SPATA9: variants seen among roughly 807,000 people sequenced by gnomAD.
SPATA9 encodes the protein spermatogenesis associated 9, also known as spermatogenesis-associated protein 9.
SPATA9 carries 27 observed loss-of-function variants against 25.5 expected under a neutral mutation model. The observed-to-expected ratio is 1.06, with a 90% CI of 0.78 to 1.46. SPATA9 has a LOEUF of 1.46. Among genes scored for constraint, SPATA9 ranks in the 40% most tolerant of loss-of-function variants. The probability of loss-of-function intolerance (pLI) is 0.00; values close to 1 mark genes in which losing one functional copy is unlikely to be tolerated. For missense variants in SPATA9, 282 were observed against 297.5 expected (o/e 0.95, Z 0.38); for synonymous variants, 102 against 105.7 (o/e 0.97, Z 0.21).
chr5:95,683,768 A>G (rs1580350492), upstream of SPATA9, among the ~76,000 whole-genome samples: 1 of 151,968 alleles, frequency 6.6e-6, no homozygotes, highest in African/African-American at 2.4e-5. Flanking sequence ...CCATCTCCTG[A>G]CCTCATGATC....
chr5:95,711,209 A>G, the SPATA9 span, among the ~76,000 whole-genome samples: 1 of 152,156 alleles, frequency 6.6e-6, no homozygotes, highest in Non-Finnish European at 1.5e-5. Context: ...TAGGCCGGGT[A>G]GAGGAAAAGA....
chr5:95,699,733 G>T (rs900284807), upstream of SPATA9, among the ~76,000 whole-genome samples: 1 of 152,234 alleles, frequency 6.6e-6, no homozygotes, highest in African/African-American at 2.4e-5. Context: ...TACGGAAATT[G>T]CCAGAGTGAG....
At chr5:95,696,590 A>G (rs1050405798) in intron 1 of SPATA9, among the ~76,000 whole-genome samples, 1 of 152,214 alleles carries the variant, frequency 6.6e-6, no homozygotes, top group Non-Finnish European at 1.5e-5. Context: ...CACTCAACAA[A>G]TGATGCCTTG....
chr5:95,669,709 G>A (rs1486513810), intron 3 of SPATA9, among the ~76,000 whole-genome samples: 1 of 152,200 alleles, frequency 6.6e-6, no homozygotes, highest in Non-Finnish European at 1.5e-5. Context: ...CTTGGCTGAA[G>A]TCAGCATTCA....
At chr5:95,672,213 G>T (rs1036252805) in intron 3 of SPATA9, among the ~76,000 whole-genome samples, 1 of 152,146 alleles carries the variant, frequency 6.6e-6, no homozygotes, top group African/African-American at 2.4e-5. Flanking sequence ...GTGAAACTGG[G>T]ACTCAAACAA....
At chr5:95,673,229 C>T (rs1752583245) in intron 3 of SPATA9, among the ~76,000 whole-genome samples, 1 of 152,206 alleles carries the variant, frequency 6.6e-6, no homozygotes, top group Admixed American at 6.5e-5. Flanking sequence ...ATGCAACGTA[C>T]TGTGTGCACA....
chr5:95,718,992 A>G, the SPATA9 span, among the ~76,000 whole-genome samples: 42 of 152,316 alleles, frequency 2.8e-4, no homozygotes, highest in African/African-American at 1.0e-3. Context: ...CAGTGATATT[A>G]TCTAGGATTT....
downstream of SPATA9, chr5:95,657,133 T>A (rs1750808993): frequency 1.3e-5 from 2 of 152,124 alleles, no homozygotes; most frequent in South Asian, 2.1e-4. Flanking sequence ...TAAAGATTTT[T>A]AAAAACGTTT....
intron 2 of SPATA9, among the ~76,000 whole-genome samples, chr5:95,679,688 G>A (rs1021449276): frequency 4.6e-5 from 7 of 152,038 alleles, no homozygotes; most frequent in Admixed American, 3.9e-4. Flanking sequence ...CAATATGACC[G>A]CCTCTTCCTA....
chr5:95,658,863 T>G lies in SPATA9; in HGVS notation c.525A>C (p.Glu175Asp), dbSNP rs1007814933. The G allele has an allele frequency of 6.2e-7, 1 of 1,613,800 alleles. No homozygotes were observed. The highest frequency in any genetic ancestry group is 1.3e-5 in the African/African-American group (1 of 74,890). ...CTCTGTTTTGCCTTATGGATTCTTCTTCCTGGAAGATGTTCTTTACCTTCT... is the reference window on the plus strand; with the variant it reads ...CTCTGTTTTGCCTTATGGATTCTTCGTCCTGGAAGATGTTCTTTACCTTCT... ...VLKKVKNIFQ[E>D]EESIRQNREE... is the part of the protein sequence containing the mutation. Residue 175 changes from glutamate (E) to aspartate (D), a missense_variant, in exon 5 of 5, where the codon GAA becomes GAC. Transcript: ENST00000274432.
chr5:95,731,297 C>T, the SPATA9 span: 21 of 1,040,406 alleles, frequency 2.0e-5, no homozygotes, highest in Non-Finnish European at 2.4e-5. Flanking sequence ...TCCCCGACCC[C>T]CCTTCTCTGC....
At chr5:95,717,351 A>T in the SPATA9 span, among the ~76,000 whole-genome samples, 1 of 152,164 alleles carries the variant, frequency 6.6e-6, no homozygotes, top group Admixed American at 6.5e-5. Flanking sequence ...CAATTCCTTA[A>T]AATAAATCTC....
the SPATA9 span, among the ~76,000 whole-genome samples, chr5:95,705,544 T>C: frequency 6.6e-6 from 1 of 152,188 alleles, no homozygotes; most frequent in African/African-American, 2.4e-5. Flanking sequence ...AAAATTTTTC[T>C]TTAAAAATTC....
chr5:95,715,363 A>T, the SPATA9 span, among the ~76,000 whole-genome samples: 1 of 152,122 alleles, frequency 6.6e-6, no homozygotes, highest in South Asian at 2.1e-4. Context: ...CAAAGGGCCA[A>T]GACAAGACAT....
chr5:95,702,325 G>A (rs555663354), upstream of SPATA9, among the ~76,000 whole-genome samples: 31 of 152,174 alleles, frequency 2.0e-4, no homozygotes, highest in African/African-American at 5.1e-4. Context: ...TTAAAAATAC[G>A]TATCTGATTT....
At chr5:95,731,689 G>T in the SPATA9 span, 2 of 1,613,380 alleles carry the variant, frequency 1.2e-6, no homozygotes, top group South Asian at 1.1e-5. Flanking sequence ...GATCATGTAC[G>T]TACGCGCCGC....
At chr5:95,671,323 G>A (rs892004061) in intron 3 of SPATA9, among the ~76,000 whole-genome samples, 25 of 152,308 alleles carry the variant, frequency 1.6e-4, no homozygotes, top group African/African-American at 6.0e-4. Flanking sequence ...TTATTTGCCT[G>A]TGAGCCCCAC....
chr5:95,689,458 T>G (rs1189880251), intron 1 of SPATA9, among the ~76,000 whole-genome samples: 3 of 152,204 alleles, frequency 2.0e-5, no homozygotes, highest in Non-Finnish European at 4.4e-5. Flanking sequence ...CTAAAATTTT[T>G]TTAAAGCTGT....
the SPATA9 span, among the ~76,000 whole-genome samples, chr5:95,724,062 T>C: frequency 6.6e-6 from 1 of 152,216 alleles, no homozygotes; most frequent in Non-Finnish European, 1.5e-5. Context: ...TATGAAATTT[T>C]CCTCTCAAAA....
Sources: allele counts gnomAD v4.1 joint callset (sites outside exome capture counted in the v4.1 genomes callset), GRCh38; gene constraint gnomAD v4.1.1; transcripts MANE v1.5; gene names NCBI Gene and HGNC (gene_info 2026-07-23, HGNC 2026-07-21).